The following FBXL2 variants were observed in gnomAD, a reference collection of about 807,000 sequenced individuals.
FBXL2 encodes F-box/LRR-repeat protein 2.
Under a neutral mutation model 69.2 loss-of-function variants are expected in FBXL2, and 38 were observed. The ratio of observed to expected loss-of-function variants is 0.55; its 90% CI spans 0.42 to 0.72. The LOEUF (loss-of-function observed/expected upper bound fraction) is 0.72, where lower values mean the gene tolerates loss of function less well. Among genes scored for constraint, FBXL2 ranks in the 30% least tolerant of loss-of-function variants. The pLI, the probability that FBXL2 is intolerant of heterozygous loss-of-function variation, is 0.00. For missense variants in FBXL2, 354 were observed against 520.3 expected, an observed-to-expected ratio of 0.68 and a Z score of 3.11; for synonymous variants, 192 against 201.3, an observed-to-expected ratio of 0.95 and a Z score of 0.39.
intron 2 of FBXL2, among the ~76,000 whole-genome samples, chr3:33,351,781 G>A (rs566284137): frequency 3.9e-5 from 6 of 152,116 alleles, no homozygotes; most frequent in East Asian, 3.9e-4. Flanking sequence ...TTAGTCAAGC[G>A]GTCGTATATT....
chr3:33,312,093 G>A (rs1195202469), intron 2 of FBXL2, among the ~76,000 whole-genome samples: 1 of 151,682 alleles, frequency 6.6e-6, no homozygotes, highest in Non-Finnish European at 1.5e-5. Flanking sequence ...GTCTCACTTT[G>A]TCACCCAGAC....
At chr3:33,315,120 A>G (rs908539542) in intron 2 of FBXL2, among the ~76,000 whole-genome samples, 6 of 152,104 alleles carry the variant, frequency 3.9e-5, no homozygotes, top group Non-Finnish European at 7.4e-5. Context: ...TAGAATTACT[A>G]TTTTGTTTCT....
chr3:33,311,138 A>G (rs2037157074), intron 2 of FBXL2, among the ~76,000 whole-genome samples: 1 of 152,136 alleles, frequency 6.6e-6, no homozygotes, highest in African/African-American at 2.4e-5. Flanking sequence ...TCTGCTAAGA[A>G]ATTTGCTGAT....
At chr3:33,283,245 T>G (rs2034227070) in intron 1 of FBXL2, among the ~76,000 whole-genome samples, 1 of 152,104 alleles carries the variant, frequency 6.6e-6, no homozygotes, top group African/African-American at 2.4e-5. Flanking sequence ...TTATTGAGAG[T>G]TTTTAGCAAG....
intron 2 of FBXL2, among the ~76,000 whole-genome samples, chr3:33,353,562 C>T (rs2040982779): frequency 6.6e-6 from 1 of 152,170 alleles, no homozygotes; most frequent in Non-Finnish European, 1.5e-5. Flanking sequence ...AATCATATGG[C>T]ATCTGGAAAA....
At chr3:33,332,961 A>T (rs1378763188) in intron 2 of FBXL2, among the ~76,000 whole-genome samples, 1 of 152,250 alleles carries the variant, frequency 6.6e-6, no homozygotes, top group African/African-American at 2.4e-5. Flanking sequence ...GATTAACCTC[A>T]AAAACATTAT....
At chr3:33,277,328 G>C (rs1199563148), upstream of FBXL2, 3 of 451,924 alleles carry the variant, frequency 6.6e-6, no homozygotes, top group East Asian at 7.1e-5. Flanking sequence ...TTCCAGGGCC[G>C]GGGGCGAGGG....
intron 2 of FBXL2, among the ~76,000 whole-genome samples, chr3:33,317,300 A>G (rs1004372913): frequency 1.3e-5 from 2 of 152,128 alleles, no homozygotes; most frequent in Non-Finnish European, 2.9e-5. Context: ...TTCTTTTCAC[A>G]GAGAATACAC....
chr3:33,312,701 A>G (rs2037319861), intron 2 of FBXL2, among the ~76,000 whole-genome samples: 1 of 152,062 alleles, frequency 6.6e-6, no homozygotes, highest in Non-Finnish European at 1.5e-5. Context: ...CTTATTATTT[A>G]TTTATTTTAT....
At chr3:33,420,372 C>A in the FBXL2 span, among the ~76,000 whole-genome samples, 1 of 152,098 alleles carries the variant, frequency 6.6e-6, no homozygotes, top group Admixed American at 6.5e-5. Flanking sequence ...ATTGCCCAGG[C>A]TGGAGTACAG....
At chr3:33,365,553 G>A (rs1274603897) in intron 5 of FBXL2, among the ~76,000 whole-genome samples, 2 of 152,096 alleles carry the variant, frequency 1.3e-5, no homozygotes, top group Non-Finnish European at 2.9e-5. Context: ...TTACAGGTGT[G>A]AGCCACTGCA....
chr3:33,287,117 A>G (rs1359417704), intron 1 of FBXL2, among the ~76,000 whole-genome samples: 4 of 152,218 alleles, frequency 2.6e-5, no homozygotes, highest in Non-Finnish European at 5.9e-5. Context: ...GCTGGGAGCT[A>G]TAGACTGGAG....
At chr3:33,393,706 G>A (rs749297227) in intron 12 of FBXL2, among the ~76,000 whole-genome samples, 1 of 151,896 alleles carries the variant, frequency 6.6e-6, no homozygotes, top group Admixed American at 6.6e-5. Context: ...AGAAATCCCT[G>A]GACAAAAAGA....
chr3:33,321,335 A>G (rs950454804), intron 2 of FBXL2, among the ~76,000 whole-genome samples: 17 of 151,872 alleles, frequency 1.1e-4, no homozygotes, highest in African/African-American at 4.1e-4. Flanking sequence ...AAGAAAAAAG[A>G]AAAAAAAGAA....
chr3:33,290,343 T>C (rs528340020), intron 1 of FBXL2, among the ~76,000 whole-genome samples: 372 of 152,242 alleles, frequency 2.4e-3, no homozygotes, highest in Non-Finnish European at 2.4e-3. Context: ...AACTTTCCTT[T>C]ATGGAGATAA....
intron 12 of FBXL2, chr3:33,401,008 G>A: frequency 6.3e-7 from 1 of 1,592,708 alleles, no homozygotes; most frequent in South Asian, 1.2e-5. Context: ...ATTTGGGGAA[G>A]AAGAATTGCT....
At position 33,286,252 on chromosome 3, in the gene FBXL2, T is replaced by C. The variant is rs572154638; in HGVS notation, c.3+8737T>C. On this transcript the variant is annotated intron_variant, in intron 1 of 14. Transcript: ENST00000484457. ...CCTTTCTGTTTGTTAGTTTTCCTTC[T>C]AACAGTCAGGACCCTCAGCTGCAGG... Among the ~76,000 whole-genome samples, 10 of 152,332 alleles carry C rather than the reference T, an allele frequency of 6.6e-5. No homozygotes were observed. The South Asian group carries it at 2.1e-3, about 32-fold the overall frequency.
the FBXL2 span, among the ~76,000 whole-genome samples, chr3:33,413,816 G>A: frequency 6.6e-6 from 1 of 152,002 alleles, no homozygotes; most frequent in Non-Finnish European, 1.5e-5. Flanking sequence ...CAATTACCCA[G>A]CACCCACTTC....
downstream of FBXL2, chr3:33,390,248 T>C (rs2043702500): frequency 7.2e-7 from 1 of 1,384,470 alleles, no homozygotes; most frequent in Non-Finnish European, 1.0e-6. Context: ...TAAAATCCAA[T>C]CCCAAGACTT....
Sources: allele counts gnomAD v4.1 joint callset (sites outside exome capture counted in the v4.1 genomes callset), GRCh38; gene constraint gnomAD v4.1.1; transcripts MANE v1.5; gene names NCBI Gene and HGNC (gene_info 2026-07-23, HGNC 2026-07-21).